Variants in PTPRD observed in about 807,000 individuals in gnomAD.
PTPRD encodes protein tyrosine phosphatase receptor type D.
Under a neutral mutation model 214.5 loss-of-function variants are expected in PTPRD, and 34 were observed. The observed-to-expected ratio is 0.16, with a 90% CI of 0.12 to 0.21. The LOEUF (loss-of-function observed/expected upper bound fraction) is 0.21, where lower values mean the gene tolerates loss of function less well. Among genes scored for constraint, PTPRD ranks in the 10% least tolerant of loss-of-function variants. PTPRD has a pLI of 1.00. For synonymous variants in PTPRD, 1,128 were observed against 845.7 expected (o/e 1.33, Z -5.79); for missense variants, 2,545 against 2,398.7 (o/e 1.06, Z -1.27).
Position 10,238,519 on chromosome 9 carries a change from C to T in PTPRD, c.-545+102444G>A, listed in dbSNP as rs377110257. Among the ~76,000 whole-genome samples the T allele has an allele frequency of 3.3e-5, 5 of 151,924 alleles. No homozygotes were observed. The East Asian group carries it at 9.7e-4, about 30-fold the overall frequency. ...ACGCTCCAGAATGCAATTCTTGCTT[C>T]CAAAATAAAACACTTAAAATTTAAA... On this transcript the variant is annotated intron_variant, in intron 3 of 45. Coordinates refer to ENST00000381196, the MANE Select transcript of PTPRD (RefSeq NM_002839.4).
intron 14 of PTPRD, among the ~76,000 whole-genome samples, chr9:8,631,826 T>C (rs1190529005): frequency 6.6e-6 from 1 of 151,888 alleles, no homozygotes; most frequent in African/African-American, 2.4e-5. Flanking sequence ...CAATTTCTTG[T>C]TTGTAAGCCT....
chr9:9,300,152 T>C (rs902203569), intron 9 of PTPRD, among the ~76,000 whole-genome samples: 5 of 151,190 alleles, frequency 3.3e-5, no homozygotes, highest in Non-Finnish European at 7.4e-5. Flanking sequence ...GTACTTAGAC[T>C]GACTTTTAAA....
In PTPRD at chr9:8,314,414, T is replaced by A; in HGVS notation, c.*3460A>T. 4.3e-6 allele frequency: 1 copy of A among 230,514 alleles called. No individual in the cohort carries two copies. The highest frequency in any genetic ancestry group is 1.3e-3 in the Middle Eastern group (1 of 766). The allele number at this position is 230,514 out of a possible 1,614,324, so 14.3% of individuals were successfully genotyped here. On this transcript the variant is annotated 3_prime_UTR_variant, in exon 46 of 46. Transcript: ENST00000381196. ...ATTTACGCGTACTACTAATTAGAGG[T>A]AATTGTATTTTTTAACAAGCCATTT...
intron 19 of PTPRD, 133 bp downstream of exon 19, chr9:8,523,380 G>A (rs1188305152): frequency 9.5e-7 from 1 of 1,049,970 alleles, no homozygotes; most frequent in Non-Finnish European, 1.4e-6. Flanking sequence ...CCATGGCCAG[G>A]GCATTCTCTG....
At chr9:8,750,520 G>A (rs142895670) in intron 11 of PTPRD, among the ~76,000 whole-genome samples, 3 of 152,230 alleles carry the variant, frequency 2.0e-5, no homozygotes, top group African/African-American at 7.2e-5. Context: ...GTTAACAGGG[G>A]TAGAAAAATA....
chr9:8,928,224 A>G (rs1044553331), intron 11 of PTPRD, among the ~76,000 whole-genome samples: 1 of 152,124 alleles, frequency 6.6e-6, no homozygotes, highest in Non-Finnish European at 1.5e-5. Context: ...CCATTTGTCA[A>G]TTATGGCTTT....
At chr9:8,332,065 G>A (rs565146371) in intron 43 of PTPRD, among the ~76,000 whole-genome samples, 10 of 152,176 alleles carry the variant, frequency 6.6e-5, no homozygotes, top group Admixed American at 2.6e-4. Context: ...GTGGGGGTTC[G>A]TAACCATTCA....
chr9:9,263,241 G>C (rs1594780434), intron 9 of PTPRD, among the ~76,000 whole-genome samples: 2 of 151,398 alleles, frequency 1.3e-5, no homozygotes, highest in East Asian at 3.9e-4. Context: ...CTTTAATTCT[G>C]TTTCACAAGT....
In PTPRD at chr9:8,707,885, T is replaced by A. The variant is rs192586079; in HGVS notation, c.64+25895A>T. Among the ~76,000 whole-genome samples, 5 of 152,338 alleles carry A rather than the reference T, an allele frequency of 3.3e-5. No individual in the cohort carries two copies. In the East Asian group the frequency reaches 9.6e-4, roughly 29 times the overall value. ...TCTCGGCTTACCTATACTGGTTGTG[T>A]ATTGTCTCTCTCAGAATAAAAATGA... On this transcript the variant is annotated intron_variant, in intron 12 of 45. Coordinates refer to ENST00000381196, the MANE Select transcript of PTPRD (RefSeq NM_002839.4).
At chr9:8,865,071 A>C (rs970741220) in intron 11 of PTPRD, among the ~76,000 whole-genome samples, 9 of 152,204 alleles carry the variant, frequency 5.9e-5, no homozygotes, top group Non-Finnish European at 1.3e-4. Context: ...CACATCATCT[A>C]GCATGTAGCC....
chr9:8,879,961 G>A (rs896233276), intron 11 of PTPRD, among the ~76,000 whole-genome samples: 4 of 152,124 alleles, frequency 2.6e-5, no homozygotes, highest in South Asian at 2.1e-4. Context: ...AGCCTTTTTC[G>A]TCTCCCTCCC....
chr9:10,060,966 C>A (rs2097768891), intron 3 of PTPRD, among the ~76,000 whole-genome samples: 1 of 141,982 alleles, frequency 7.0e-6, no homozygotes, highest in Admixed American at 7.3e-5. Context: ...CTCTTCCTTT[C>A]TTCCTTTCTG....
chr9:9,340,514 T>G (rs528567661), intron 9 of PTPRD, among the ~76,000 whole-genome samples: 1 of 152,356 alleles, frequency 6.6e-6, no homozygotes, highest in African/African-American at 2.4e-5. Context: ...TGAAATCCAT[T>G]ATCCAAAGTT....
intron 11 of PTPRD, among the ~76,000 whole-genome samples, chr9:8,817,271 G>A (rs1031116643): frequency 6.6e-5 from 10 of 152,128 alleles, no homozygotes; most frequent in Non-Finnish European, 5.9e-5. Context: ...CAGCTCCAGA[G>A]CCAATGGATT....
intron 5 of PTPRD, among the ~76,000 whole-genome samples, chr9:9,814,444 G>A (rs2048116945): frequency 6.6e-6 from 1 of 152,012 alleles, no homozygotes. Context: ...AAAGTTTTGT[G>A]ATACAAAATC....
intron 39 of PTPRD, 149 bp from the exon 40 acceptor site, chr9:8,342,127 G>A: frequency 1.3e-6 from 1 of 786,222 alleles, no homozygotes; most frequent in South Asian, 2.6e-5. Context: ...ATACTCTAAA[G>A]TCAAAAGTAT....
chr9:8,322,748 T>G (rs1464898491), intron 44 of PTPRD, among the ~76,000 whole-genome samples: 2 of 152,158 alleles, frequency 1.3e-5, no homozygotes, highest in African/African-American at 4.8e-5. Context: ...AAAAGAGATC[T>G]TCAATGTAGA....
chr9:8,727,123 G>T (rs1235403806), intron 12 of PTPRD, among the ~76,000 whole-genome samples: 1 of 151,436 alleles, frequency 6.6e-6, no homozygotes, highest in Non-Finnish European at 1.5e-5. Flanking sequence ...CAAATAATAA[G>T]AATTAGTTCA....
At chr9:9,291,140 A>G (rs1951016477) in intron 9 of PTPRD, among the ~76,000 whole-genome samples, 1 of 151,518 alleles carries the variant, frequency 6.6e-6, no homozygotes, top group African/African-American at 2.4e-5. Flanking sequence ...TACATGGCCA[A>G]TAACATTTCT....
Sources: gnomAD v4.1 joint callset for allele counts (sites outside exome capture counted in the v4.1 genomes callset) on GRCh38, gnomAD v4.1.1 for gene constraint, MANE v1.5 for transcripts, NCBI Gene and HGNC (gene_info 2026-07-23, HGNC 2026-07-21) for gene names.